Variants in EPHA6 observed in about 807,000 individuals in gnomAD.
EPHA6 encodes the protein EPH receptor A6.
EPHA6 carries 50 observed loss-of-function variants against 112.0 expected under a neutral mutation model. The ratio of observed to expected loss-of-function variants is 0.45; its 90% CI spans 0.36 to 0.56. The LOEUF (loss-of-function observed/expected upper bound fraction) is 0.56, where lower values mean the gene tolerates loss of function less well. Among genes scored for constraint, EPHA6 ranks in the 20% least tolerant of loss-of-function variants. The probability of loss-of-function intolerance (pLI) is 0.00; values close to 1 mark genes in which losing one functional copy is unlikely to be tolerated. For missense variants in EPHA6, 1,280 were observed against 1,417.4 expected, an observed-to-expected ratio of 0.90 and a Z score of 1.56; for synonymous variants, 529 against 490.7, an observed-to-expected ratio of 1.08 and a Z score of -1.03.
intron 3 of EPHA6, among the ~76,000 whole-genome samples, chr3:97,026,624 G>A (rs569957745): frequency 5.8e-4 from 89 of 152,164 alleles, no homozygotes; most frequent in South Asian, 2.1e-3. Context: ...TAAAAAATTA[G>A]GCAAAGGACA....
chr3:97,028,839 G>A (rs1576350605), intron 3 of EPHA6, among the ~76,000 whole-genome samples: 1 of 151,824 alleles, frequency 6.6e-6, no homozygotes, highest in Non-Finnish European at 1.5e-5. Context: ...TATGTCATTT[G>A]ATAATTTTTG....
At chr3:97,619,465 G>A (rs1383916368) in intron 13 of EPHA6, among the ~76,000 whole-genome samples, 1 of 150,668 alleles carries the variant, frequency 6.6e-6, no homozygotes, top group African/African-American at 2.4e-5. Context: ...AGGAAGAGAG[G>A]AAGTCAAACT....
intron 14 of EPHA6, among the ~76,000 whole-genome samples, chr3:97,684,106 T>C (rs542868359): frequency 6.6e-6 from 1 of 152,292 alleles, no homozygotes; most frequent in South Asian, 2.1e-4. Context: ...TATATACATG[T>C]CTACCTCCCC....
intron 12 of EPHA6, among the ~76,000 whole-genome samples, chr3:97,600,657 T>C (rs528989130): frequency 2.7e-4 from 41 of 152,216 alleles, no homozygotes; most frequent in African/African-American, 9.4e-4. Context: ...TGTATGTAAG[T>C]GTTTACATAC....
intron 2 of EPHA6, among the ~76,000 whole-genome samples, chr3:96,913,414 T>A (rs2318072): frequency 0.013 from 2,035 of 152,024 alleles, 45 homozygotes; most frequent in African/African-American, 0.044. Flanking sequence ...AATGACATAA[T>A]CCAATCACAT....
chr3:97,022,188 G>A (rs1390015653), intron 3 of EPHA6, among the ~76,000 whole-genome samples: 1 of 152,104 alleles, frequency 6.6e-6, no homozygotes, highest in East Asian at 1.9e-4. Context: ...CTAAAAAACA[G>A]AACACAATAT....
At chr3:97,388,015 C>T (rs1432600540) in intron 5 of EPHA6, among the ~76,000 whole-genome samples, 1 of 152,156 alleles carries the variant, frequency 6.6e-6, no homozygotes, top group Non-Finnish European at 1.5e-5. Context: ...CTCATGAGAA[C>T]TCATGCACAA....
intron 3 of EPHA6, among the ~76,000 whole-genome samples, chr3:97,071,357 T>G (rs903402536): frequency 6.6e-6 from 1 of 152,028 alleles, no homozygotes; most frequent in Non-Finnish European, 1.5e-5. Context: ...TTTAAAAATT[T>G]TATTTTAATT....
At chr3:96,854,811 T>C (rs1576152008) in intron 1 of EPHA6, among the ~76,000 whole-genome samples, 1 of 152,248 alleles carries the variant, frequency 6.6e-6, no homozygotes, top group East Asian at 1.9e-4. Flanking sequence ...TTAAATGGAA[T>C]TGGTAGGGGT....
intron 8 of EPHA6, 39 bp from the exon 9 acceptor site, chr3:97,479,255 C>A: frequency 7.1e-7 from 1 of 1,405,822 alleles, no homozygotes; most frequent in Non-Finnish European, 9.6e-7. Flanking sequence ...ATGCATCATA[C>A]TTCTTAAAAC....
At position 97,466,581 on chromosome 3, in the gene EPHA6, T is replaced by C. The variant is rs1412573126; in HGVS notation, c.1895-8771T>C. ...TCTCAGTCTCAGTTCTGTTTTCTTC[T>C]CTGATGGGTTTGTCTTCAGTATTCT... On this transcript the variant is annotated intron_variant, in intron 7 of 17. Coordinates refer to ENST00000389672, the MANE Select transcript of EPHA6 (RefSeq NM_001080448.3). 8 of 697,708 alleles carry C rather than the reference T, an allele frequency of 1.1e-5. No homozygotes were observed. The Admixed American group carries it at 1.4e-4, about 12-fold the overall frequency. The allele number at this position is 697,708 out of a possible 1,614,324, so 43.2% of individuals were successfully genotyped here.
At chr3:97,279,059 A>C (rs1281049586) in intron 5 of EPHA6, among the ~76,000 whole-genome samples, 2 of 152,088 alleles carry the variant, frequency 1.3e-5, no homozygotes, top group Admixed American at 1.3e-4. Context: ...AATCTATTAC[A>C]CTCACATAAT....
At chr3:97,511,419 T>C (rs78884878) in intron 10 of EPHA6, among the ~76,000 whole-genome samples, 17,320 of 152,158 alleles carry the variant, frequency 0.11, 3,144 homozygotes, top group African/African-American at 0.38. Flanking sequence ...TCACAGCTTC[T>C]CTTGGCTAGA....
At chr3:97,008,651 T>A (rs949478176) in intron 3 of EPHA6, among the ~76,000 whole-genome samples, 1 of 152,178 alleles carries the variant, frequency 6.6e-6, no homozygotes, top group African/African-American at 2.4e-5. Context: ...TCTGTGCCCT[T>A]GATGGAGAGA....
intron 3 of EPHA6, among the ~76,000 whole-genome samples, chr3:97,196,344 C>G (rs1400685502): frequency 6.6e-6 from 1 of 151,886 alleles, no homozygotes; most frequent in African/African-American, 2.4e-5. Context: ...TTATTTCAAT[C>G]TATTCAATAA....
chr3:97,412,319 T>G (rs1418188043), intron 6 of EPHA6, among the ~76,000 whole-genome samples: 2 of 152,046 alleles, frequency 1.3e-5, no homozygotes, highest in African/African-American at 4.8e-5. Context: ...TCTGCTAAAT[T>G]GCTATATTTC....
intron 13 of EPHA6, among the ~76,000 whole-genome samples, chr3:97,637,421 A>C (rs538666331): frequency 2.0e-5 from 3 of 151,530 alleles, no homozygotes; most frequent in Non-Finnish European, 4.4e-5. Context: ...ACTATTTTTC[A>C]CAGTATCTCC....
chr3:97,133,639 A>G (rs115360180), intron 3 of EPHA6, among the ~76,000 whole-genome samples: 18 of 152,144 alleles, frequency 1.2e-4, no homozygotes, highest in Non-Finnish European at 2.4e-4. Flanking sequence ...ATCTGAATAT[A>G]TAGACCAGGA....
At chr3:97,269,654 C>T (rs934787130) in intron 5 of EPHA6, among the ~76,000 whole-genome samples, 4 of 152,168 alleles carry the variant, frequency 2.6e-5, no homozygotes, top group African/African-American at 9.7e-5. Flanking sequence ...TGATGTAACA[C>T]AACTGGAGTA....
Sources: allele counts gnomAD v4.1 joint callset (sites outside exome capture counted in the v4.1 genomes callset), GRCh38; gene constraint gnomAD v4.1.1; transcripts MANE v1.5; gene names NCBI Gene and HGNC (gene_info 2026-07-23, HGNC 2026-07-21).